The following KNDC1 variants were observed in gnomAD, a reference collection of about 807,000 sequenced individuals.
KNDC1 encodes the protein kinase non-catalytic C-lobe domain containing 1.
KNDC1 carries 106 observed loss-of-function variants against 172.8 expected under a neutral mutation model. The ratio of observed to expected loss-of-function variants is 0.61; its 90% CI spans 0.52 to 0.72. The LOEUF is 0.72. Ranked by LOEUF, KNDC1 falls within the 30% of genes least tolerant of loss-of-function variation. KNDC1 has a pLI of 0.00. For synonymous variants in KNDC1, 1,083 were observed against 1,062.2 expected (o/e 1.02, Z -0.38); for missense variants, 2,325 against 2,394.5 (o/e 0.97, Z 0.61).
Position 133,207,212 on chromosome 10 carries a change from G to T in KNDC1, c.3655G>T (p.Asp1219Tyr). The change falls in exon 20 of 30, where the codon GAC becomes TAC. Residue 1219 changes from aspartate (D) to tyrosine (Y), a missense_variant. Physicochemically the swap from Asp to Tyr is radical, Grantham distance 160 (BLOSUM62 -3). Transcript: ENST00000304613. The stretch of plus-strand genomic sequence containing the variant: ...CGTGAACATCGCGGCCGCACCCTGC[G>T]ACACGCTGGACTTCAGCCCCCTGGA... Reference protein sequence around the residue: ...VIVNIAAAPCDTLDFSPLDES... With the variant: ...VIVNIAAAPCYTLDFSPLDES... 2 of 1,612,280 alleles carry T rather than the reference G, an allele frequency of 1.2e-6. No homozygotes were observed. Among genetic ancestry groups the T allele is most frequent in the Non-Finnish European group, 1.7e-6 (2 of 1,179,856 alleles).
chr10:133,173,697 G>A (rs536059735), intron 3 of KNDC1, among the ~76,000 whole-genome samples: 3 of 152,278 alleles, frequency 2.0e-5, no homozygotes, highest in Middle Eastern at 3.4e-3. Flanking sequence ...CCTGTTCCCC[G>A]GGTCACTGTC....
chr10:133,224,909 TG>T lies in KNDC1; in HGVS notation c.*21del, dbSNP rs1845690500. ...CCAGTAGCCGAGCTCGGGCCTGGTG[TG>T]GAATTCCAGATCCGAATCCGACTGT... is the stretch of plus-strand genomic sequence containing the variant. On this transcript the variant is annotated 3_prime_UTR_variant, in exon 30 of 30. Transcript: ENST00000304613. This position sits in a 1 kb window ranked among gnomAD's most constrained non-coding sequence, Gnocchi z 5.4. 6.3e-7 allele frequency: 1 copy of T among 1,591,570 alleles called. No individual in the cohort carries two copies.
intron 1 of KNDC1, among the ~76,000 whole-genome samples, chr10:133,161,403 T>G (rs974722396): frequency 6.6e-6 from 1 of 152,110 alleles, no homozygotes; most frequent in Non-Finnish European, 1.5e-5. Context: ...AGTGGGATGT[T>G]GTGGCGCCCT....
intron 4 of KNDC1, 85 bp downstream of exon 4, chr10:133,183,575 A>G: frequency 7.1e-7 from 1 of 1,414,126 alleles, no homozygotes; most frequent in Non-Finnish European, 9.3e-7. Flanking sequence ...ACCCACGCCC[A>G]GCAGCCTCAC....
intron 17 of KNDC1, among the ~76,000 whole-genome samples, chr10:133,204,992 ACCCCTCACCCCAGAACCACCACC>A (rs1417210892): frequency 1.1e-4 from 5 of 46,488 alleles, no homozygotes; most frequent in Non-Finnish European, 1.9e-4. Context: ...GACTTCCCAG[ACCCCTCACCCCAGAACCACCACC>A]CTCCTCACCC....
At chr10:133,167,850 C>G (rs1247466823) in intron 2 of KNDC1, among the ~76,000 whole-genome samples, 2 of 152,216 alleles carry the variant, frequency 1.3e-5, no homozygotes, top group African/African-American at 4.8e-5. Flanking sequence ...CTCAGGACTT[C>G]CCCTAAGGGC....
chr10:133,200,135 G>T (rs947358088), intron 15 of KNDC1, among the ~76,000 whole-genome samples: 1 of 152,004 alleles, frequency 6.6e-6, no homozygotes, highest in Non-Finnish European at 1.5e-5. Context: ...CCCCAGCCCC[G>T]GCCTCCTCGG....
At position 133,198,669 on chromosome 10, in the gene KNDC1, G is replaced by T. The variant is rs769532600; in HGVS notation, c.2161G>T (p.Ala721Ser). The change falls in exon 14 of 30, where the codon GCT becomes TCT. Residue 721 changes from alanine (A) to serine (S), a missense_variant. Physicochemically the swap from Ala to Ser is moderately conservative, Grantham distance 99. Transcript: ENST00000304613. ...GEEKLSLEAH[A>S]GSPSLKTPDG... ...GGAGAAGCTCTCCCTGGAGGCCCAC[G>T]CTGGGTCCCCCAGCCTGAAGACGCC... 3 of 1,595,022 alleles carry T rather than the reference G, an allele frequency of 1.9e-6. No individual in the cohort carries two copies. The highest frequency in any genetic ancestry group is 1.3e-5 in the African/African-American group (1 of 74,746).
Position 133,218,975 on chromosome 10 carries a change from A to G in KNDC1, c.4800+22A>G, listed in dbSNP as rs368293551. On this transcript the variant is annotated intron_variant, in intron 27 of 29. Transcript: ENST00000304613. Reference sequence around the variant, plus strand: ...CCCTGTGCGTCCCCCTCGGGCCCCAAGGCGGGGGTGGGTACCCGCACGGCC... The same window carrying G: ...CCCTGTGCGTCCCCCTCGGGCCCCAGGGCGGGGGTGGGTACCCGCACGGCC... 69 of 1,613,528 alleles carry G rather than the reference A, an allele frequency of 4.3e-5. No homozygotes were observed. The African/African-American group carries it at 4.9e-4, about 12-fold the overall frequency.
chr10:133,189,737 G>A lies in KNDC1; in HGVS notation c.1514-15G>A, dbSNP rs184438075. The A allele has an allele frequency of 3.2e-4, 517 of 1,613,912 alleles. No homozygotes were observed. Among genetic ancestry groups the A allele is most frequent in the Non-Finnish European group, 3.9e-4 (461 of 1,179,980 alleles). On this transcript the variant is annotated splice_polypyrimidine_tract_variant and intron_variant, in intron 8 of 29. Coordinates refer to ENST00000304613, the MANE Select transcript of KNDC1 (RefSeq NM_152643.8). ...CGCCAGGGGTGAGGAAAGCTCAGTC[G>A]GGTTTCTCTCTTAGGTTCCTATGAC... is the stretch of plus-strand genomic sequence containing the variant.
chr10:133,204,196 A>G (rs930491317), intron 17 of KNDC1, among the ~76,000 whole-genome samples: 2 of 152,192 alleles, frequency 1.3e-5, no homozygotes, highest in African/African-American at 2.4e-5. Flanking sequence ...ACACAGCTCC[A>G]TGGGGACACC....
At position 133,224,613 on chromosome 10, in the gene KNDC1, G is replaced by T; in HGVS notation, c.5019-46G>T. ...GGGACTCCCTCCCCACGGAAGCCGC[G>T]CCCCTGCCCTGTGCAAACTAACGTC... is the stretch of plus-strand genomic sequence containing the variant. On this transcript the variant is annotated intron_variant, in intron 29 of 29. Coordinates refer to ENST00000304613, the MANE Select transcript of KNDC1 (RefSeq NM_152643.8). This position sits in a 1 kb window ranked among gnomAD's most constrained non-coding sequence, Gnocchi z 5.4. 1 of 1,456,382 alleles carries T rather than the reference G, an allele frequency of 6.9e-7. No homozygotes were observed. Among genetic ancestry groups the T allele is most frequent in the Non-Finnish European group, 9.5e-7 (1 of 1,051,406 alleles). The allele number at this position is 1,456,382 out of a possible 1,614,324, so 90.2% of individuals were successfully genotyped here.
rs1845527266 is a variant in KNDC1 at position 133,219,033 on chromosome 10, C to G, written c.4803C>G (p.Ala1601=). Residue 1601 remains alanine, a splice_region_variant and synonymous_variant, in exon 28 of 30, where the codon GCC becomes GCG. Transcript: ENST00000304613. ...LEHLAVRQSP[A]WRILPAKIAE... The stretch of plus-strand genomic sequence containing the variant: ...GCTCACCTGTGCTTTCATTTCAGGC[C>G]TGGAGAATTCTGCCTGCAAAGATAG... The G allele has an allele frequency of 6.2e-7, 1 of 1,613,886 alleles. No individual in the cohort carries two copies. The highest frequency in any genetic ancestry group is 1.1e-5 in the South Asian group (1 of 91,084).
chr10:133,219,233 C>G, intron 28 of KNDC1, 143 bp downstream of exon 28: 1 of 976,408 alleles, frequency 1.0e-6, no homozygotes, highest in South Asian at 1.6e-5. Flanking sequence ...TCACGGAGGC[C>G]TTGGAGTCAT....
At chr10:133,177,372 G>A (rs896388866) in intron 3 of KNDC1, among the ~76,000 whole-genome samples, 4 of 152,194 alleles carry the variant, frequency 2.6e-5, no homozygotes, top group African/African-American at 7.2e-5. Context: ...TCTGTGGGTT[G>A]TGCACACGTA....
chr10:133,218,825 T>C lies in KNDC1; in HGVS notation c.4678-6T>C, dbSNP rs750298980. ...AGACGCTGAATGTGTCATTTTCTTATTGCAGCTGCAGGTGAACTTGCTGTC... is the reference window on the plus strand; with the variant it reads ...AGACGCTGAATGTGTCATTTTCTTACTGCAGCTGCAGGTGAACTTGCTGTC... On this transcript the variant is annotated splice_region_variant and splice_polypyrimidine_tract_variant and intron_variant, in intron 26 of 29. Coordinates refer to ENST00000304613, the MANE Select transcript of KNDC1 (RefSeq NM_152643.8). 5 of 1,609,972 alleles carry C rather than the reference T, an allele frequency of 3.1e-6. No individual in the cohort carries two copies. Among genetic ancestry groups the C allele is most frequent in the African/African-American group, 2.7e-5 (2 of 75,002 alleles).
At chr10:133,166,755 G>GT (rs386372891) in intron 1 of KNDC1, among the ~76,000 whole-genome samples, 5 of 152,084 alleles carry the variant, frequency 3.3e-5, no homozygotes, top group Admixed American at 2.0e-4. Context: ...GCATGGGGGG[G>GT]GTGTGGGTGT....
intron 29 of KNDC1, among the ~76,000 whole-genome samples, chr10:133,222,904 A>T (rs1327362417): frequency 1.2e-4 from 1 of 8,628 alleles, no homozygotes; most frequent in African/African-American, 2.4e-4. Flanking sequence ...TGTGTGTGTG[A>T]GAGCCCATCC....
chr10:133,209,467 C>T lies in KNDC1; in HGVS notation c.3795-1144C>T, dbSNP rs1248373609. Among the ~76,000 whole-genome samples, 1 of 148,906 alleles carries T rather than the reference C, an allele frequency of 6.7e-6. No individual in the cohort carries two copies. Among genetic ancestry groups the T allele is most frequent in the Non-Finnish European group, 1.5e-5 (1 of 67,232 alleles). ...ATGTGTGGTGTGGGGTATAGTGTGG[C>T]TTGTGTGCGCGTGTGTGGTGTGCGC... On this transcript the variant is annotated intron_variant, in intron 20 of 29. Transcript: ENST00000304613. The surrounding 1 kb of genome is among the most constrained non-coding windows in gnomAD (Gnocchi z 4.9).
Sources: gnomAD v4.1 joint callset for allele counts (sites outside exome capture counted in the v4.1 genomes callset) on GRCh38, gnomAD v4.1.1 for gene constraint, Gnocchi (gnomAD v3.1) non-coding constraint, MANE v1.5 for transcripts, NCBI Gene and HGNC (gene_info 2026-07-23, HGNC 2026-07-21) for gene names.